METTL15: variants seen among roughly 807,000 people sequenced by gnomAD.
METTL15 encodes the protein 12S rRNA N(4)-cytidine methyltransferase METTL15.
METTL15 carries 34 observed loss-of-function variants against 38.3 expected under a neutral mutation model. That is an observed-to-expected ratio of 0.89 (90% CI 0.68 to 1.18). The LOEUF (loss-of-function observed/expected upper bound fraction) is 1.18. METTL15 is among the 50% of genes most tolerant of loss of function. The pLI, the probability that METTL15 is intolerant of heterozygous loss-of-function variation, is 0.00. For synonymous variants in METTL15, 162 were observed against 170.9 expected (o/e 0.95, Z 0.41); for missense variants, 438 against 498.4 (o/e 0.88, Z 1.15).
At chr11:28,228,773 A>T (rs892323579) in intron 4 of METTL15, among the ~76,000 whole-genome samples, 1 of 151,962 alleles carries the variant, frequency 6.6e-6, no homozygotes, top group African/African-American at 2.4e-5. Flanking sequence ...TATGTCTAAC[A>T]TGTCATATCC....
At chr11:28,191,023 T>C (rs1346583839) in intron 3 of METTL15, among the ~76,000 whole-genome samples, 1 of 151,370 alleles carries the variant, frequency 6.6e-6, no homozygotes, top group Non-Finnish European at 1.5e-5. Flanking sequence ...AGGGAGATAC[T>C]GTGTATCTCC....
intron 4 of METTL15, among the ~76,000 whole-genome samples, chr11:28,289,865 T>A (rs548543932): frequency 4.5e-4 from 68 of 152,278 alleles, no homozygotes; most frequent in Middle Eastern, 3.4e-3. Context: ...ACATATGCTT[T>A]TTTCTCTACC....
intron 3 of METTL15, among the ~76,000 whole-genome samples, chr11:28,172,862 G>A (rs1850907895): frequency 6.6e-6 from 1 of 152,184 alleles, no homozygotes; most frequent in African/African-American, 2.4e-5. Flanking sequence ...AAAGTATGGA[G>A]AGCTTAGAAG....
At chr11:28,247,345 T>C (rs927056693) in intron 4 of METTL15, among the ~76,000 whole-genome samples, 1 of 152,138 alleles carries the variant, frequency 6.6e-6, no homozygotes, top group East Asian at 1.9e-4. Flanking sequence ...AATTGAAAAG[T>C]TCTACATATT....
intron 4 of METTL15, among the ~76,000 whole-genome samples, chr11:28,223,178 G>A (rs1853322108): frequency 6.6e-6 from 1 of 151,976 alleles, no homozygotes; most frequent in Admixed American, 6.6e-5. Flanking sequence ...CATCGCTTGT[G>A]TATATATAAT....
At chr11:28,451,664 C>G (rs1405139476) in intron 6 of METTL15, among the ~76,000 whole-genome samples, 1 of 152,128 alleles carries the variant, frequency 6.6e-6, no homozygotes, top group East Asian at 1.9e-4. Context: ...GGAAATACAG[C>G]TAGCTTATAG....
At chr11:28,304,614 G>A (rs1298990547) in intron 6 of METTL15, among the ~76,000 whole-genome samples, 2 of 152,126 alleles carry the variant, frequency 1.3e-5, no homozygotes, top group Non-Finnish European at 2.9e-5. Context: ...TACTCAGGAG[G>A]CTGAGGCATG....
intron 3 of METTL15, among the ~76,000 whole-genome samples, chr11:28,191,421 G>C (rs1378989679): frequency 6.6e-6 from 1 of 151,146 alleles, no homozygotes; most frequent in East Asian, 1.9e-4. Flanking sequence ...TAAAATAGAA[G>C]ATCTGAGTTT....
chr11:28,371,374 C>T (rs1590348539), intron 5 of METTL15, among the ~76,000 whole-genome samples: 1 of 151,958 alleles, frequency 6.6e-6, no homozygotes, highest in South Asian at 2.1e-4. Flanking sequence ...CTATTCTATT[C>T]CTTTGGTCTA....
chr11:28,128,408 A>C (rs1852590721), intron 3 of METTL15, among the ~76,000 whole-genome samples: 1 of 152,172 alleles, frequency 6.6e-6, no homozygotes, highest in Non-Finnish European at 1.5e-5. Context: ...TTTGTATGAG[A>C]AAGACATTCG....
intron 4 of METTL15, among the ~76,000 whole-genome samples, chr11:28,217,078 G>T (rs1684557272): frequency 6.6e-6 from 1 of 152,144 alleles, no homozygotes; most frequent in Non-Finnish European, 1.5e-5. Flanking sequence ...TATATACCCA[G>T]TAATGGGCTG....
chr11:28,426,522 A>C (rs1222418311), intron 6 of METTL15, among the ~76,000 whole-genome samples: 2 of 150,226 alleles, frequency 1.3e-5, no homozygotes, highest in Non-Finnish European at 3.0e-5. Context: ...TGGTTGAACT[A>C]GTTTACATTC....
intron 6 of METTL15, among the ~76,000 whole-genome samples, chr11:28,455,665 T>C (rs888456471): frequency 2.0e-5 from 3 of 152,168 alleles, no homozygotes; most frequent in Admixed American, 6.5e-5. Context: ...CCTGTGAAAC[T>C]GTACTAGTCA....
chr11:28,508,766 C>T (rs1036885254), intron 6 of METTL15, among the ~76,000 whole-genome samples: 1 of 152,284 alleles, frequency 6.6e-6, no homozygotes, highest in Admixed American at 6.5e-5. Flanking sequence ...GAATGGGCTA[C>T]CAATACCTCT....
At position 28,508,874 on chromosome 11, in the gene METTL15, G is replaced by C. The variant is rs578143570; in HGVS notation, c.*425-17604G>C. ...GACATCATTTAGGGATAAGACCAAA[G>C]TACCTGGTCCTGGTTTGGTAAATCA... On this transcript the variant is annotated intron_variant and NMD_transcript_variant, in intron 6 of 7. Coordinates refer to the METTL15 transcript ENST00000532947. Among the ~76,000 whole-genome samples, 3 of 152,324 alleles carry C rather than the reference G, an allele frequency of 2.0e-5. No individual in the cohort carries two copies. The East Asian group carries it at 5.8e-4, about 29-fold the overall frequency.
At chr11:28,251,340 G>T (rs1854733926) in intron 4 of METTL15, among the ~76,000 whole-genome samples, 1 of 151,974 alleles carries the variant, frequency 6.6e-6, no homozygotes, top group Non-Finnish European at 1.5e-5. Flanking sequence ...AACCCTCTCA[G>T]CAGTAAATTT....
intron 4 of METTL15, among the ~76,000 whole-genome samples, chr11:28,352,555 T>TA (rs1335147573): frequency 6.6e-6 from 1 of 152,218 alleles, no homozygotes; most frequent in Non-Finnish European, 1.5e-5. Flanking sequence ...GTCAAATGTG[T>TA]AACATTTTTC....
At chr11:28,113,830 T>C (rs745826787) in intron 3 of METTL15, among the ~76,000 whole-genome samples, 46 of 152,192 alleles carry the variant, frequency 3.0e-4, no homozygotes, top group Non-Finnish European at 5.7e-4. Context: ...ATAAGTTACA[T>C]GAGATAGTCA....
intron 6 of METTL15, 106 bp downstream of exon 6, chr11:28,297,037 C>T: frequency 1.8e-6 from 2 of 1,139,488 alleles, no homozygotes; most frequent in Non-Finnish European, 2.6e-6. Flanking sequence ...GCATTAATCC[C>T]CCAGACTCCC....
Sources: allele counts gnomAD v4.1 joint callset (sites outside exome capture counted in the v4.1 genomes callset), GRCh38; gene constraint gnomAD v4.1.1; transcripts MANE v1.5; gene names NCBI Gene and HGNC (gene_info 2026-07-23, HGNC 2026-07-21).